AGBL1: variants seen among roughly 807,000 people sequenced by gnomAD.
The protein encoded by AGBL1 is cytosolic carboxypeptidase 4.
AGBL1 carries 130 observed loss-of-function variants against 118.9 expected under a neutral mutation model. That is an observed-to-expected ratio of 1.09 (90% CI 0.95 to 1.26). AGBL1 has a LOEUF of 1.26. AGBL1 is among the 50% of genes most tolerant of loss of function. The probability of loss-of-function intolerance (pLI) is 0.00; values close to 1 mark genes in which losing one functional copy is unlikely to be tolerated. For synonymous variants in AGBL1, 555 were observed against 478.9 expected (o/e 1.16, Z -2.08); for missense variants, 1,584 against 1,298.1 (o/e 1.22, Z -3.38).
intron 22 of AGBL1, among the ~76,000 whole-genome samples, chr15:86,782,122 A>C (rs908631817): frequency 2.0e-5 from 3 of 152,120 alleles, no homozygotes; most frequent in African/African-American, 7.2e-5. Flanking sequence ...ACAATCTAGG[A>C]ATCAAAAATT....
At chr15:86,616,827 C>G (rs2084734141) in intron 21 of AGBL1, among the ~76,000 whole-genome samples, 1 of 152,112 alleles carries the variant, frequency 6.6e-6, no homozygotes, top group Non-Finnish European at 1.5e-5. Flanking sequence ...ATAAAGTTGA[C>G]TCAAAAAGAA....
intron 1 of AGBL1, among the ~76,000 whole-genome samples, chr15:86,129,387 A>C (rs1191167376): frequency 2.0e-5 from 3 of 152,150 alleles, no homozygotes; most frequent in African/African-American, 7.2e-5. Flanking sequence ...TGGAGGAATG[A>C]TTTGTGGGAG....
chr15:86,751,616 C>T (rs954801908), intron 22 of AGBL1, among the ~76,000 whole-genome samples: 12 of 152,122 alleles, frequency 7.9e-5, no homozygotes, highest in Non-Finnish European at 1.8e-4. Flanking sequence ...CTAAATTACC[C>T]TCCAAGTCAC....
intron 21 of AGBL1, among the ~76,000 whole-genome samples, chr15:86,667,395 G>C (rs112776038): frequency 4.6e-5 from 7 of 151,864 alleles, no homozygotes; most frequent in Admixed American, 3.9e-4. Flanking sequence ...TTTATGATGT[G>C]GTTTGCATTC....
chr15:86,301,003 T>C (rs967710336), intron 17 of AGBL1, among the ~76,000 whole-genome samples: 1 of 152,172 alleles, frequency 6.6e-6, no homozygotes, highest in African/African-American at 2.4e-5. Context: ...AGAATTCCCC[T>C]TTTGGCTTCT....
At chr15:86,944,843 C>T (rs867133879) in intron 23 of AGBL1, among the ~76,000 whole-genome samples, 1 of 152,080 alleles carries the variant, frequency 6.6e-6, no homozygotes, top group Non-Finnish European at 1.5e-5. Context: ...GATAGAGTGA[C>T]AATACAATTT....
chr15:86,646,108 C>A (rs1003508417), intron 21 of AGBL1, among the ~76,000 whole-genome samples: 1 of 152,076 alleles, frequency 6.6e-6, no homozygotes, highest in Non-Finnish European at 1.5e-5. Flanking sequence ...TTTATTTCCC[C>A]GTCTTACATC....
chr15:86,591,979 C>A (rs1024238562), intron 21 of AGBL1, among the ~76,000 whole-genome samples: 1 of 151,980 alleles, frequency 6.6e-6, no homozygotes, highest in African/African-American at 2.4e-5. Flanking sequence ...AGTTATATAC[C>A]AGGAAATGAG....
At chr15:86,712,444 C>A (rs537637483) in intron 22 of AGBL1, among the ~76,000 whole-genome samples, 15 of 151,714 alleles carry the variant, frequency 9.9e-5, no homozygotes, top group African/African-American at 3.6e-4. Context: ...AGAATAAACA[C>A]TGAGAGATTA....
chr15:87,024,336 G>A (rs548360794), intron 24 of AGBL1, among the ~76,000 whole-genome samples: 16 of 152,022 alleles, frequency 1.1e-4, no homozygotes, highest in African/African-American at 3.9e-4. Flanking sequence ...GATCATTTAA[G>A]GCTACTATGA....
chr15:86,205,387 G>A (rs780030101), intron 5 of AGBL1, among the ~76,000 whole-genome samples: 3 of 152,086 alleles, frequency 2.0e-5, no homozygotes, highest in Non-Finnish European at 4.4e-5. Context: ...CCAAGTTCTG[G>A]CAATTATGAA....
chr15:86,119,488 C>A (rs1271208264), intron 1 of AGBL1, among the ~76,000 whole-genome samples: 2 of 152,120 alleles, frequency 1.3e-5, no homozygotes, highest in Non-Finnish European at 2.9e-5. Flanking sequence ...TGAAGAGACA[C>A]CAGATTCAAT....
chr15:86,295,568 G>A, intron 17 of AGBL1, 160 bp downstream of exon 17: 2 of 604,534 alleles, frequency 3.3e-6, no homozygotes, highest in Non-Finnish European at 5.2e-6. Context: ...GTGACACAAA[G>A]GTTAAACATT....
chr15:86,840,050 T>C (rs2079223743), intron 22 of AGBL1, among the ~76,000 whole-genome samples: 1 of 152,218 alleles, frequency 6.6e-6, no homozygotes, highest in Non-Finnish European at 1.5e-5. Context: ...ATCATATTTT[T>C]ATTGGGAGAG....
At chr15:86,781,148 T>C (rs1257775748) in intron 22 of AGBL1, among the ~76,000 whole-genome samples, 2 of 152,312 alleles carry the variant, frequency 1.3e-5, no homozygotes, top group East Asian at 1.9e-4. Flanking sequence ...AACATAGAGA[T>C]GAATTTTTTT....
chr15:86,179,164 C>A (rs1352244587), intron 5 of AGBL1, among the ~76,000 whole-genome samples: 1 of 152,158 alleles, frequency 6.6e-6, no homozygotes, highest in East Asian at 1.9e-4. Flanking sequence ...AAGGCCAGTT[C>A]CTGGAATTGT....
At chr15:86,390,580 A>G (rs954141941) in intron 17 of AGBL1, among the ~76,000 whole-genome samples, 2 of 151,712 alleles carry the variant, frequency 1.3e-5, no homozygotes, top group Admixed American at 6.6e-5. Context: ...GAAATTACTG[A>G]TGCATCCAAC....
intron 22 of AGBL1, among the ~76,000 whole-genome samples, chr15:86,683,474 A>C (rs2085998158): frequency 6.6e-6 from 1 of 152,158 alleles, no homozygotes; most frequent in South Asian, 2.1e-4. Context: ...AACAACCATG[A>C]AAGTTAACCT....
At chr15:86,320,206 G>A (rs1261773293) in intron 17 of AGBL1, among the ~76,000 whole-genome samples, 2 of 152,058 alleles carry the variant, frequency 1.3e-5, no homozygotes, top group African/African-American at 4.8e-5. Context: ...CGGGAAAAAA[G>A]GACATTCCTA....
Sources: gnomAD v4.1 joint callset for allele counts (sites outside exome capture counted in the v4.1 genomes callset) on GRCh38, gnomAD v4.1.1 for gene constraint, MANE v1.5 for transcripts, NCBI Gene and HGNC (gene_info 2026-07-23, HGNC 2026-07-21) for gene names.